Variants in CACNA1A observed in about 807,000 individuals in gnomAD.
CACNA1A encodes voltage-dependent P/Q-type calcium channel subunit alpha-1A.
Under a neutral mutation model 262.4 loss-of-function variants are expected in CACNA1A, and 57 were observed. The observed-to-expected ratio is 0.22, with a 90% CI of 0.18 to 0.27. The LOEUF (loss-of-function observed/expected upper bound fraction) is 0.27. Among genes scored for constraint, CACNA1A ranks in the 10% least tolerant of loss-of-function variants. CACNA1A has a pLI of 1.00. For synonymous variants in CACNA1A, 1,431 were observed against 1,419.3 expected, an observed-to-expected ratio of 1.01 and a Z score of -0.18; for missense variants, 2,526 against 3,562.8, an observed-to-expected ratio of 0.71 and a Z score of 7.41.
In CACNA1A at chr19:13,212,044, TG is replaced by T; in HGVS notation, c.6303+58del. The T allele has an allele frequency of 7.9e-7, 1 of 1,259,614 alleles. No homozygotes were observed. The highest frequency in any genetic ancestry group is 1.1e-6 in the Non-Finnish European group (1 of 874,874). The allele number at this position is 1,259,614 out of a possible 1,614,324, so 78.0% of individuals were successfully genotyped here. A position where few individuals can be genotyped will look rare whatever the true frequency, so the allele number is the denominator to read the frequency against. Reference sequence around the variant, plus strand: ...GCACTGGGCTGCTTGTGGGGGGGCCTGGCCCTACCCAGTGCAGAGTGAGGGG... The same window carrying T: ...GCACTGGGCTGCTTGTGGGGGGGCCTGCCCTACCCAGTGCAGAGTGAGGGG... On this transcript the variant is annotated intron_variant, in intron 43 of 46. Transcript: ENST00000360228. This position sits in a 1 kb window ranked among gnomAD's most constrained non-coding sequence, Gnocchi z 5.6.
intron 6 of CACNA1A, among the ~76,000 whole-genome samples, chr19:13,346,041 C>T (rs1301175034): frequency 3.3e-5 from 5 of 151,920 alleles, no homozygotes; most frequent in Admixed American, 6.6e-5. Context: ...GCTGAGAGTA[C>T]ACGCGTGCAT....
At chr19:13,255,692 C>A (rs1489532153) in intron 28 of CACNA1A, among the ~76,000 whole-genome samples, 5 of 111,230 alleles carry the variant, frequency 4.5e-5, no homozygotes, top group Non-Finnish European at 7.4e-5. Context: ...TTCCTTCCTT[C>A]CTCCCTCCTT....
chr19:13,218,441 G>A (rs148789692), intron 38 of CACNA1A, among the ~76,000 whole-genome samples: 1,726 of 152,270 alleles, frequency 0.011, 11 homozygotes, highest in Non-Finnish European at 0.015. Flanking sequence ...GGCAGTACAC[G>A]GTGCGTGTTG....
Position 13,298,822 on chromosome 19 carries a change from C to T in CACNA1A, c.2811G>A (p.Gly937=), listed in dbSNP as rs1322679497. Residue 937 remains glycine, a synonymous_variant, in exon 19 of 47, where the codon GGG becomes GGA. Coordinates refer to ENST00000360228, the MANE Select transcript of CACNA1A (RefSeq NM_001127222.2). ...ACCCGCTGCGGCTCTCCCTGCTGCC[C>T]CCCTGCCGGTGCACGTGCCTCCGGT... ...DPHRRHVHRQ[G]GSRESRSGSP... 6.4e-7 allele frequency: 1 copy of T among 1,573,882 alleles called. No individual in the cohort carries two copies. Among genetic ancestry groups the T allele is most frequent in the East Asian group, 2.3e-5 (1 of 42,770 alleles).
Position 13,212,863 on chromosome 19 carries a change from A to T in CACNA1A, c.5941-123T>A, listed in dbSNP as rs1256506444. On this transcript the variant is annotated intron_variant, in intron 40 of 46. Coordinates refer to ENST00000360228, the MANE Select transcript of CACNA1A (RefSeq NM_001127222.2). The surrounding 1 kb of genome is among the most constrained non-coding windows in gnomAD (Gnocchi z 5.6). Reference sequence around the variant, plus strand: ...ACACACACACACTCTCTCAGGTCTCATCCATCTAGACCCTTCCAATTCCAC... The same window carrying T: ...ACACACACACACTCTCTCAGGTCTCTTCCATCTAGACCCTTCCAATTCCAC... The T allele has an allele frequency of 1.7e-5, 9 of 539,402 alleles. No homozygotes were observed. The South Asian group carries it at 2.7e-4, about 16-fold the overall frequency. 33.4% of individuals were successfully genotyped at this position (539,402 alleles called of 1,614,324 possible). A position where few individuals can be genotyped will look rare whatever the true frequency, so the allele number is the denominator to read the frequency against.
In CACNA1A at chr19:13,230,146, T is replaced by A; in HGVS notation, c.5464A>T (p.Ile1822Phe). ...NFEYLTRDSS[I>F]LGPHHLDEYV... ...TCATCCAGGTGGTGGGGGCCCAGGA[T>A]GGAGGAGTCTCGGGTGAGGTACTCA... Residue 1822 changes from isoleucine (I) to phenylalanine (F), a missense_variant, in exon 36 of 47, where the codon ATC becomes TTC. Physicochemically the swap from Ile to Phe is conservative, Grantham distance 21. This residue lies in a region of CACNA1A where 39 missense variants were observed against 124.9 expected (regional missense o/e 0.31). Transcript: ENST00000360228. 1 of 1,613,732 alleles carries A rather than the reference T, an allele frequency of 6.2e-7. No individual in the cohort carries two copies. Among genetic ancestry groups the A allele is most frequent in the Non-Finnish European group, 8.5e-7 (1 of 1,179,840 alleles).
chr19:13,502,386 G>A (rs779878252), intron 1 of CACNA1A, among the ~76,000 whole-genome samples: 3 of 152,186 alleles, frequency 2.0e-5, no homozygotes, highest in Non-Finnish European at 4.4e-5. Context: ...CATGTTCAGT[G>A]GGAGACCTGG....
intron 1 of CACNA1A, among the ~76,000 whole-genome samples, chr19:13,504,760 C>T (rs1004481045): frequency 2.6e-5 from 4 of 152,174 alleles, no homozygotes; most frequent in Non-Finnish European, 5.9e-5. Flanking sequence ...GTCCCCCCTC[C>T]TGGAATCTGG....
At chr19:13,490,815 GGAAA>G (rs1193759122) in intron 1 of CACNA1A, among the ~76,000 whole-genome samples, 2 of 140,156 alleles carry the variant, frequency 1.4e-5, no homozygotes, top group Non-Finnish European at 3.0e-5. Flanking sequence ...AAGGAAGGAA[GGAAA>G]GAAAGGAAGG....
Position 13,236,028 on chromosome 19 carries a change from A to C in CACNA1A, c.4951-298T>G. On this transcript the variant is annotated intron_variant, in intron 31 of 46. Coordinates refer to ENST00000360228, the MANE Select transcript of CACNA1A (RefSeq NM_001127222.2). This position sits in a 1 kb window ranked among gnomAD's most constrained non-coding sequence, Gnocchi z 4.6. Reference sequence around the variant, plus strand: ...AAGAAAAGAAAAAGAAAGGAGGAAAAAGGAACGGGGATGGGGAAGAAATAA... The same window carrying C: ...AAGAAAAGAAAAAGAAAGGAGGAAACAGGAACGGGGATGGGGAAGAAATAA... 9.3e-6 allele frequency: 3 copies of C among 323,496 alleles called. No individual in the cohort carries two copies. Among genetic ancestry groups the C allele is most frequent in the South Asian group, 1.2e-4 (1 of 8,404 alleles). The allele number at this position is 323,496 out of a possible 1,614,324, so 20.0% of individuals were successfully genotyped here.
At chr19:13,469,470 T>C (rs1304508196) in intron 1 of CACNA1A, among the ~76,000 whole-genome samples, 1 of 141,606 alleles carries the variant, frequency 7.1e-6, no homozygotes, top group African/African-American at 2.6e-5. Context: ...CTTTTTTTTT[T>C]TTTTTTTTTT....
chr19:13,255,368 T>G, intron 28 of CACNA1A, 109 bp from the exon 29 acceptor site: 3 of 963,782 alleles, frequency 3.1e-6, no homozygotes, highest in Non-Finnish European at 1.5e-6. Flanking sequence ...TCTGCTTGAG[T>G]CTCTGCCTCT....
chr19:13,465,228 G>A lies in CACNA1A; in HGVS notation c.294-10016C>T, dbSNP rs141437819. On this transcript the variant is annotated intron_variant, in intron 1 of 46. Transcript: ENST00000360228. ...TTACAGGCATGAGCCACCGCGTCCA[G>A]CCTTAGTTCCTTTTCTTCAAGGAGG... is the stretch of plus-strand genomic sequence containing the variant. Among the ~76,000 whole-genome samples the A allele has an allele frequency of 1.2e-4, 18 of 152,284 alleles. No homozygotes were observed. In the East Asian group the frequency reaches 3.5e-3, roughly 29 times the overall value.
At chr19:13,329,752 C>T (rs1025819768) in intron 10 of CACNA1A, among the ~76,000 whole-genome samples, 16 of 148,706 alleles carry the variant, frequency 1.1e-4, no homozygotes, top group Admixed American at 5.4e-4. Flanking sequence ...GGATTACAGG[C>T]GTGAGCCACT....
intron 3 of CACNA1A, chr19:13,452,577 A>C: frequency 2.2e-5 from 5 of 225,040 alleles, no homozygotes; most frequent in East Asian, 9.3e-5. Context: ...TCAGATGGGA[A>C]TATTAATATT....
intron 3 of CACNA1A, among the ~76,000 whole-genome samples, chr19:13,375,841 T>A (rs902624225): frequency 2.0e-5 from 3 of 152,112 alleles, no homozygotes; most frequent in African/African-American, 7.2e-5. Flanking sequence ...TTAGCCAAGT[T>A]GTGAATGCAA....
intron 9 of CACNA1A, among the ~76,000 whole-genome samples, chr19:13,330,639 C>T (rs10424910): frequency 0.21 from 31,443 of 151,200 alleles, 3,682 homozygotes; most frequent in African/African-American, 0.31. Context: ...TGCTCTGTCA[C>T]CCAGAGAGTG....
intron 31 of CACNA1A, 59 bp downstream of exon 31, chr19:13,245,123 C>T (rs927892796): frequency 7.3e-7 from 1 of 1,375,894 alleles, no homozygotes; most frequent in African/African-American, 1.4e-5. Flanking sequence ...TCCCCCGCCC[C>T]CTGCCGCCTG....
chr19:13,430,788 CT>C (rs1312881390), intron 3 of CACNA1A, among the ~76,000 whole-genome samples: 2 of 151,970 alleles, frequency 1.3e-5, no homozygotes, highest in Non-Finnish European at 2.9e-5. Context: ...GGCAGATGCT[CT>C]TCAGGGGTGT....
Sources: gnomAD v4.1 joint callset for allele counts (sites outside exome capture counted in the v4.1 genomes callset) on GRCh38, gnomAD v4.1.1 for gene constraint, gnomAD v4.1.1 regional missense constraint, Gnocchi (gnomAD v3.1) non-coding constraint, MANE v1.5 for transcripts, NCBI Gene and HGNC (gene_info 2026-07-23, HGNC 2026-07-21) for gene names.